Variants in KIAA1328 observed in about 807,000 individuals in gnomAD.
KIAA1328 encodes the protein KIAA1328.
In KIAA1328, 52 loss-of-function variants were observed where a neutral mutation model predicts 68.1. The ratio of observed to expected loss-of-function variants is 0.76; its 90% CI spans 0.61 to 0.96. KIAA1328 has a LOEUF of 0.96. Ranked by LOEUF, KIAA1328 falls within the 40% of genes least tolerant of loss-of-function variation. The pLI is 0.00. For missense variants in KIAA1328, 641 were observed against 677.6 expected (o/e 0.95, Z 0.60); for synonymous variants, 232 against 239.4 (o/e 0.97, Z 0.28).
chr18:37,092,212 C>A (rs2057286758), intron 7 of KIAA1328, among the ~76,000 whole-genome samples: 1 of 152,056 alleles, frequency 6.6e-6, no homozygotes. Flanking sequence ...CTGCTCCCTG[C>A]TGCCTACAGC....
intron 5 of KIAA1328, among the ~76,000 whole-genome samples, chr18:36,940,674 C>CT (rs1272164052): frequency 0.022 from 2,806 of 127,672 alleles, 54 homozygotes; most frequent in Non-Finnish European, 0.029. Flanking sequence ...GCTCATTTTA[C>CT]TTTTTTTTTT....
intron 9 of KIAA1328, among the ~76,000 whole-genome samples, chr18:37,205,867 A>T (rs959890974): frequency 6.6e-6 from 1 of 152,194 alleles, no homozygotes; most frequent in Non-Finnish European, 1.5e-5. Flanking sequence ...AATATTGGGT[A>T]AAGGTTTACT....
intron 5 of KIAA1328, among the ~76,000 whole-genome samples, chr18:36,889,864 G>A (rs1472018864): frequency 6.6e-6 from 1 of 152,148 alleles, no homozygotes; most frequent in Non-Finnish European, 1.5e-5. Context: ...GGGTTAGGCT[G>A]CTTAGTAGCC....
At chr18:37,186,567 A>C (rs2059805391) in intron 9 of KIAA1328, among the ~76,000 whole-genome samples, 1 of 81,698 alleles carries the variant, frequency 1.2e-5, no homozygotes, top group African/African-American at 8.8e-5. Flanking sequence ...ACCCTATCAA[A>C]AAAAAAAAAA....
intron 5 of KIAA1328, among the ~76,000 whole-genome samples, chr18:36,948,235 C>T (rs1196442527): frequency 1.3e-5 from 2 of 150,074 alleles, no homozygotes; most frequent in African/African-American, 4.9e-5. Context: ...AGTAGAATGA[C>T]ATGACTTTTT....
At chr18:36,974,380 T>C (rs899524939) in intron 6 of KIAA1328, among the ~76,000 whole-genome samples, 1 of 152,202 alleles carries the variant, frequency 6.6e-6, no homozygotes, top group Non-Finnish European at 1.5e-5. Context: ...CTAGCTCTCA[T>C]TTCTAAGTGA....
chr18:37,170,970 G>C (rs2059489130), intron 8 of KIAA1328, among the ~76,000 whole-genome samples: 1 of 152,064 alleles, frequency 6.6e-6, no homozygotes, highest in Non-Finnish European at 1.5e-5. Context: ...TCTGGAACAA[G>C]GAAATATTCT....
At chr18:36,933,142 TAAC>T (rs2050373002) in intron 5 of KIAA1328, among the ~76,000 whole-genome samples, 1 of 152,112 alleles carries the variant, frequency 6.6e-6, no homozygotes, top group Non-Finnish European at 1.5e-5. Flanking sequence ...GGAAAACAAA[TAAC>T]AAATACATTG....
chr18:36,956,422 A>G (rs1269315411), intron 5 of KIAA1328, among the ~76,000 whole-genome samples: 1 of 151,756 alleles, frequency 6.6e-6, no homozygotes, highest in Non-Finnish European at 1.5e-5. Flanking sequence ...AGTTAAATAT[A>G]TGTTCTTTTT....
intron 7 of KIAA1328, among the ~76,000 whole-genome samples, chr18:37,069,257 T>C (rs1437169705): frequency 1.3e-5 from 2 of 148,850 alleles, no homozygotes; most frequent in Non-Finnish European, 3.0e-5. Flanking sequence ...GATATTTGCA[T>C]CAGTTTTTTT....
intron 6 of KIAA1328, among the ~76,000 whole-genome samples, chr18:36,964,297 A>G (rs886381812): frequency 6.6e-6 from 1 of 152,222 alleles, no homozygotes; most frequent in African/African-American, 2.4e-5. Context: ...AGGAGCCACA[A>G]TGTCAGATAA....
chr18:36,829,780 A>G (rs973864629), intron 1 of KIAA1328, among the ~76,000 whole-genome samples: 4 of 152,152 alleles, frequency 2.6e-5, no homozygotes, highest in Admixed American at 6.5e-5. Flanking sequence ...GATGGGAATC[A>G]TTGTGCCTGG....
In KIAA1328 at chr18:36,931,552, G is replaced by C. The variant is rs142678233; in HGVS notation, c.449-27756G>C. 1.1e-3 allele frequency among the ~76,000 whole-genome samples: 164 copies of C among 152,062 alleles called. 4 individuals are homozygous for C. The highest frequency in any genetic ancestry group is 3.9e-3 in the African/African-American group (162 of 41,408). ...CCGGTCCTTGATGCCAAAAAGCTTG[G>C]GGACTGCTGATCTAGGTATCTTGAC... is the stretch of plus-strand genomic sequence containing the variant. On this transcript the variant is annotated intron_variant, in intron 5 of 9. Transcript: ENST00000280020.
intron 6 of KIAA1328, among the ~76,000 whole-genome samples, chr18:36,988,797 A>G (rs2053051098): frequency 3.0e-4 from 1 of 3,328 alleles, no homozygotes; most frequent in South Asian, 0.017. Flanking sequence ...CATCCTATAC[A>G]TATAATTTAT....
At chr18:37,225,556 A>G (rs1371881125), downstream of KIAA1328, among the ~76,000 whole-genome samples, 1 of 152,192 alleles carries the variant, frequency 6.6e-6, no homozygotes, top group Non-Finnish European at 1.5e-5. Context: ...GTGAACACCA[A>G]GCCGCCTCTA....
At chr18:37,037,400 T>C (rs322652) in intron 6 of KIAA1328, among the ~76,000 whole-genome samples, 111,394 of 152,086 alleles carry the variant, frequency 0.73, 43,948 homozygotes, top group South Asian at 0.89. Flanking sequence ...ATTATATAGC[T>C]TTATTTTTAT....
chr18:37,161,097 C>G (rs1256547276), intron 8 of KIAA1328, among the ~76,000 whole-genome samples: 1 of 152,142 alleles, frequency 6.6e-6, no homozygotes, highest in Non-Finnish European at 1.5e-5. Flanking sequence ...GACCTCTGAG[C>G]CCTCTCCTGC....
chr18:36,965,463 A>T (rs906189803), intron 6 of KIAA1328, among the ~76,000 whole-genome samples: 2 of 147,420 alleles, frequency 1.4e-5, no homozygotes, highest in African/African-American at 4.9e-5. Context: ...GGTCAACATG[A>T]TGAAACCCTG....
intron 7 of KIAA1328, among the ~76,000 whole-genome samples, chr18:37,100,473 A>T (rs2057573374): frequency 6.6e-6 from 1 of 152,010 alleles, no homozygotes; most frequent in Admixed American, 6.6e-5. Context: ...AGGCTGGGGG[A>T]GGGGCGCCCA....
Sources: gnomAD v4.1 joint callset for allele counts (sites outside exome capture counted in the v4.1 genomes callset) on GRCh38, gnomAD v4.1.1 for gene constraint, MANE v1.5 for transcripts, NCBI Gene and HGNC (gene_info 2026-07-23, HGNC 2026-07-21) for gene names.